The following GABRA5 variants were observed in gnomAD, a reference collection of about 807,000 sequenced individuals.
GABRA5 encodes gamma-aminobutyric acid receptor subunit alpha-5.
A neutral mutation model predicts 47.3 loss-of-function variants in GABRA5; 18 were observed. That is an observed-to-expected ratio of 0.38 (90% CI 0.26 to 0.56). The LOEUF (loss-of-function observed/expected upper bound fraction) is 0.56. GABRA5 is among the 20% of genes least tolerant of loss of function. The pLI is 0.71. For missense variants in GABRA5, 365 were observed against 599.3 expected (o/e 0.61, Z 4.08); for synonymous variants, 237 against 229.3 (o/e 1.03, Z -0.30).
At chr15:26,939,167 C>G (rs1894321488) in intron 8 of GABRA5, 2 of 749,186 alleles carry the variant, frequency 2.7e-6, no homozygotes, top group Middle Eastern at 2.3e-4. Flanking sequence ...GAGGCAAATC[C>G]AGGTAGCAAG....
intron 6 of GABRA5, among the ~76,000 whole-genome samples, chr15:26,904,606 T>C (rs964675169): frequency 6.6e-6 from 1 of 152,124 alleles, no homozygotes; most frequent in Admixed American, 6.5e-5. Context: ...GCATGGAATG[T>C]TTTTCCATTT....
Position 26,867,242 on chromosome 15 carries a change from G to A in GABRA5, c.-140+131G>A, listed in dbSNP as rs1892337144. ...GCGGGGCGCAAGAGCCGCTCCGCCG[G>A]GAGTGCCGGGGAAGTTCGCGCTGGC... On this transcript the variant is annotated intron_variant, in intron 1 of 10. Coordinates refer to ENST00000335625, the MANE Select transcript of GABRA5 (RefSeq NM_000810.4). The surrounding 1 kb of genome is among the most constrained non-coding windows in gnomAD (Gnocchi z 5.9). 6.6e-6 allele frequency: 1 copy of A among 151,038 alleles called. No individual in the cohort carries two copies. The highest frequency in any genetic ancestry group is 1.5e-5 in the Non-Finnish European group (1 of 67,696). The allele number at this position is 151,038 out of a possible 1,614,324, so 9.4% of individuals were successfully genotyped here.
chr15:26,915,891 A>G (rs147341967), intron 7 of GABRA5, among the ~76,000 whole-genome samples: 1,565 of 152,272 alleles, frequency 0.01, 13 homozygotes, highest in African/African-American at 0.029. Context: ...CTGTTATAAT[A>G]TGTTTGAAAC....
intron 3 of GABRA5, among the ~76,000 whole-genome samples, chr15:26,879,024 T>TAAGG (rs1892662959): frequency 6.6e-6 from 1 of 152,218 alleles, no homozygotes; most frequent in South Asian, 2.1e-4. Flanking sequence ...GTCAAGCCCT[T>TAAGG]GTCTCTGGAC....
intron 8 of GABRA5, among the ~76,000 whole-genome samples, chr15:26,938,656 A>G (rs969301634): frequency 6.6e-6 from 1 of 152,216 alleles, no homozygotes; most frequent in Non-Finnish European, 1.5e-5. Context: ...CTTGCTACCA[A>G]CATACCCTCT....
rs566549473 is a variant in GABRA5 at position 26,893,087 on chromosome 15, T to C, written c.497+9530T>C. Among the ~76,000 whole-genome samples the C allele has an allele frequency of 7.5e-5, 11 of 146,320 alleles. No homozygotes were observed. The East Asian group carries it at 2.3e-3, about 30-fold the overall frequency. On this transcript the variant is annotated intron_variant, in intron 6 of 10. Transcript: ENST00000335625. ...GTACGCTGTGTGGCGTGTTTGGGGG[T>C]GTATGGTGTGTGGCATGTGTGTGTC...
At chr15:26,926,140 C>A (rs1469252628) in intron 7 of GABRA5, among the ~76,000 whole-genome samples, 2 of 152,126 alleles carry the variant, frequency 1.3e-5, no homozygotes, top group African/African-American at 4.8e-5. Flanking sequence ...GCAGCGCTGA[C>A]CCACAGCTTC....
At chr15:26,879,128 G>A (rs1313995292) in intron 3 of GABRA5, among the ~76,000 whole-genome samples, 1 of 152,194 alleles carries the variant, frequency 6.6e-6, no homozygotes, top group East Asian at 1.9e-4. Flanking sequence ...ATTAAGATCT[G>A]CTTTTTCTAC....
intron 3 of GABRA5, among the ~76,000 whole-genome samples, chr15:26,874,779 T>TA (rs78745508): frequency 6.6e-6 from 1 of 152,074 alleles, no homozygotes; most frequent in Non-Finnish European, 1.5e-5. Flanking sequence ...TATTTTAAAA[T>TA]AAAAAAAAGT....
At chr15:26,947,679 G>T (rs530622993) in intron 10 of GABRA5, among the ~76,000 whole-genome samples, 1 of 152,272 alleles carries the variant, frequency 6.6e-6, no homozygotes, top group East Asian at 1.9e-4. Context: ...ACATTCTCAT[G>T]CATGTGTCTT....
At chr15:26,933,466 C>G (rs1476780266) in intron 7 of GABRA5, among the ~76,000 whole-genome samples, 1 of 152,192 alleles carries the variant, frequency 6.6e-6, no homozygotes, top group Non-Finnish European at 1.5e-5. Context: ...ACACGGCTGG[C>G]CTCCTGCCTT....
At chr15:26,881,166 T>C (rs936483624) in intron 4 of GABRA5, among the ~76,000 whole-genome samples, 199 bp downstream of exon 4, 4 of 152,232 alleles carry the variant, frequency 2.6e-5, no homozygotes, top group Non-Finnish European at 5.9e-5. Flanking sequence ...TGTTATTTTC[T>C]AGACGCAAGA....
chr15:26,919,378 AT>A (rs1432117192), intron 7 of GABRA5, among the ~76,000 whole-genome samples: 1 of 151,374 alleles, frequency 6.6e-6, no homozygotes, highest in African/African-American at 2.4e-5. Flanking sequence ...ATATGCTTTG[AT>A]TCCTTTCTCT....
intron 6 of GABRA5, among the ~76,000 whole-genome samples, chr15:26,896,652 T>G (rs1232058451): frequency 1.3e-5 from 2 of 152,146 alleles, no homozygotes; most frequent in Non-Finnish European, 2.9e-5. Flanking sequence ...AGTTGGTAGG[T>G]TTATTTTTAC....
At chr15:26,937,395 G>T (rs916827947) in intron 8 of GABRA5, 67 bp downstream of exon 8, 2 of 1,494,020 alleles carry the variant, frequency 1.3e-6, no homozygotes, top group Non-Finnish European at 8.9e-7. Context: ...AGAGCTTGCT[G>T]CTCCCAGCAC....
intron 7 of GABRA5, among the ~76,000 whole-genome samples, chr15:26,921,447 T>C (rs558184579): frequency 1.0e-3 from 153 of 152,290 alleles, no homozygotes; most frequent in Non-Finnish European, 1.8e-3. Context: ...CTGCAGTGTC[T>C]GTAGTGATAT....
At chr15:26,918,561 T>C (rs1893769877) in intron 7 of GABRA5, among the ~76,000 whole-genome samples, 4 of 152,200 alleles carry the variant, frequency 2.6e-5, no homozygotes, top group Non-Finnish European at 2.9e-5. Context: ...TGAAATCTAC[T>C]ACTATTATTG....
chr15:26,901,749 A>AT (rs1388551382), intron 6 of GABRA5, among the ~76,000 whole-genome samples: 8 of 152,162 alleles, frequency 5.3e-5, no homozygotes, highest in Admixed American at 2.6e-4. Context: ...AGTCATTTAG[A>AT]TTTTCTCTTA....
In GABRA5 at chr15:26,870,495, G is replaced by A. The variant is rs1035168348; in HGVS notation, c.86+1161G>A. Among the ~76,000 whole-genome samples the A allele has an allele frequency of 2.0e-5, 3 of 152,196 alleles. No homozygotes were observed. In the East Asian group the frequency reaches 5.8e-4, roughly 29 times the overall value. On this transcript the variant is annotated intron_variant, in intron 3 of 10. Coordinates refer to ENST00000335625, the MANE Select transcript of GABRA5 (RefSeq NM_000810.4). ...AGATGCCTGTCCCTCACCAACAGAA[G>A]CCAGGCAGTGTGTGCACTCTAACCA...
Sources: allele counts gnomAD v4.1 joint callset (sites outside exome capture counted in the v4.1 genomes callset), GRCh38; gene constraint gnomAD v4.1.1; non-coding constraint Gnocchi (gnomAD v3.1); transcripts MANE v1.5; gene names NCBI Gene and HGNC (gene_info 2026-07-23, HGNC 2026-07-21).